Variants in CSMD1 observed in about 807,000 individuals in gnomAD.
CSMD1 encodes CUB and sushi domain-containing protein 1.
Under a neutral mutation model 417.5 loss-of-function variants are expected in CSMD1, and 213 were observed. The observed-to-expected ratio is 0.51, with a 90% CI of 0.46 to 0.57. The LOEUF (loss-of-function observed/expected upper bound fraction) is 0.57, where lower values mean the gene tolerates loss of function less well. Ranked by LOEUF, CSMD1 falls within the 20% of genes least tolerant of loss-of-function variation. CSMD1 has a pLI of 0.00. For missense variants in CSMD1, 6,923 were observed against 4,529.7 expected (o/e 1.53, Z -15.17); for synonymous variants, 2,862 against 1,736.8 (o/e 1.65, Z -16.11).
intron 10 of CSMD1, among the ~76,000 whole-genome samples, chr8:3,500,758 C>T (rs1341735032): frequency 6.6e-6 from 1 of 152,038 alleles, no homozygotes; most frequent in Non-Finnish European, 1.5e-5. Flanking sequence ...ACATGGATAA[C>T]CATGGCAAGA....
intron 3 of CSMD1, among the ~76,000 whole-genome samples, chr8:4,338,661 G>A (rs187951952): frequency 1.1e-3 from 174 of 152,138 alleles, no homozygotes; most frequent in Non-Finnish European, 2.1e-3. Context: ...GTGCTCACGG[G>A]TGAGTCAGAA....
intron 49 of CSMD1, among the ~76,000 whole-genome samples, chr8:3,066,016 A>G (rs2128996113): frequency 6.6e-6 from 1 of 152,276 alleles, no homozygotes; most frequent in African/African-American, 2.4e-5. Context: ...TAAATGAAAA[A>G]TTCATAATAA....
chr8:3,778,942 G>C (rs1054514066), intron 5 of CSMD1, among the ~76,000 whole-genome samples: 1 of 152,138 alleles, frequency 6.6e-6, no homozygotes, highest in African/African-American at 2.4e-5. Flanking sequence ...TGCTGTTTCT[G>C]GGAGGACAAT....
intron 17 of CSMD1, among the ~76,000 whole-genome samples, chr8:3,393,788 A>T (rs569379356): frequency 2.6e-5 from 4 of 151,416 alleles, no homozygotes; most frequent in African/African-American, 9.7e-5. Flanking sequence ...GAATTGAACA[A>T]TGAGAACACA....
At chr8:4,372,763 A>G (rs1293535779) in intron 3 of CSMD1, among the ~76,000 whole-genome samples, 2 of 151,990 alleles carry the variant, frequency 1.3e-5, no homozygotes, top group South Asian at 4.1e-4. Context: ...AAAAAGTAGC[A>G]TTGGATAACC....
At chr8:3,274,829 C>T (rs565566562) in intron 26 of CSMD1, among the ~76,000 whole-genome samples, 6 of 152,050 alleles carry the variant, frequency 3.9e-5, no homozygotes, top group Admixed American at 1.3e-4. Context: ...TGTCTGTACC[C>T]GTGAGATGTG....
Position 3,648,225 on chromosome 8 carries a change from G to A in CSMD1, c.1010-31428C>T, listed in dbSNP as rs1263802189. ...TCTTCTCACCATATACTAGAGACAT[G>A]ATTTTACTTTTACTTTGCTATTCCC... On this transcript the variant is annotated intron_variant, in intron 7 of 69. Coordinates refer to ENST00000635120, the MANE Select transcript of CSMD1 (RefSeq NM_033225.6). 3.3e-5 allele frequency among the ~76,000 whole-genome samples: 5 copies of A among 152,286 alleles called. No homozygotes were observed. The South Asian group carries it at 1.0e-3, about 32-fold the overall frequency.
chr8:4,674,253 A>G (rs540491820), intron 1 of CSMD1, among the ~76,000 whole-genome samples: 13 of 152,326 alleles, frequency 8.5e-5, no homozygotes, highest in Non-Finnish European at 1.8e-4. Context: ...TGAGTTGAAA[A>G]AAGCGGGAGG....
chr8:3,947,293 C>T (rs1811295146), intron 5 of CSMD1, among the ~76,000 whole-genome samples: 1 of 152,030 alleles, frequency 6.6e-6, no homozygotes, highest in Non-Finnish European at 1.5e-5. Flanking sequence ...ATTATGTATG[C>T]AGCTTTTAAT....
At chr8:4,972,065 G>A (rs1323520172) in intron 1 of CSMD1, among the ~76,000 whole-genome samples, 1 of 152,084 alleles carries the variant, frequency 6.6e-6, no homozygotes, top group Non-Finnish European at 1.5e-5. Context: ...GAAGAGGTAA[G>A]CGATACCATA....
At chr8:3,543,932 G>C (rs1460288399) in intron 10 of CSMD1, among the ~76,000 whole-genome samples, 2 of 152,214 alleles carry the variant, frequency 1.3e-5, no homozygotes, top group Non-Finnish European at 1.5e-5. Context: ...TTTACAGGAA[G>C]AGACAGGAAG....
intron 26 of CSMD1, among the ~76,000 whole-genome samples, chr8:3,257,542 A>C (rs1463271874): frequency 2.0e-5 from 3 of 152,200 alleles, no homozygotes; most frequent in Non-Finnish European, 2.9e-5. Flanking sequence ...TGGCACTGAG[A>C]GTGCTGGGGG....
intron 1 of CSMD1, among the ~76,000 whole-genome samples, chr8:4,693,007 G>C (rs1377840613): frequency 6.6e-6 from 1 of 152,146 alleles, no homozygotes; most frequent in Non-Finnish European, 1.5e-5. Flanking sequence ...CTCATCATGG[G>C]AAAACGTCAA....
chr8:3,603,041 C>T (rs1047041345), intron 8 of CSMD1, among the ~76,000 whole-genome samples: 6 of 152,126 alleles, frequency 3.9e-5, no homozygotes, highest in African/African-American at 1.4e-4. Context: ...TGGTGAATTG[C>T]TTATCAGAAG....
chr8:3,526,132 T>C (rs1379946827), intron 10 of CSMD1, among the ~76,000 whole-genome samples: 3 of 152,204 alleles, frequency 2.0e-5, no homozygotes, highest in Non-Finnish European at 4.4e-5. Flanking sequence ...TGTTTAGAAA[T>C]TGAAAGTGGC....
At chr8:3,176,740 G>A (rs1051365605) in intron 37 of CSMD1, among the ~76,000 whole-genome samples, 1 of 151,812 alleles carries the variant, frequency 6.6e-6, no homozygotes, top group Non-Finnish European at 1.5e-5. Flanking sequence ...AGGTACCCTG[G>A]TGACCTCATT....
intron 10 of CSMD1, among the ~76,000 whole-genome samples, chr8:3,536,485 T>C (rs1798204821): frequency 6.6e-6 from 1 of 152,300 alleles, no homozygotes; most frequent in Middle Eastern, 3.4e-3. Flanking sequence ...CTTTGATTAA[T>C]GGGGATTATG....
intron 2 of CSMD1, among the ~76,000 whole-genome samples, chr8:4,421,444 A>C (rs1438195): frequency 0.14 from 22,006 of 152,006 alleles, 1,713 homozygotes; most frequent in South Asian, 0.28. Context: ...CATAAAACAA[A>C]CCTCAAACTA....
intron 23 of CSMD1, among the ~76,000 whole-genome samples, chr8:3,312,217 A>G (rs1016781855): frequency 2.0e-5 from 3 of 152,226 alleles, no homozygotes; most frequent in Non-Finnish European, 4.4e-5. Context: ...TTCAATATCA[A>G]AAGTTTTTCT....
Sources: gnomAD v4.1 joint callset for allele counts (sites outside exome capture counted in the v4.1 genomes callset) on GRCh38, gnomAD v4.1.1 for gene constraint, MANE v1.5 for transcripts, NCBI Gene and HGNC (gene_info 2026-07-23, HGNC 2026-07-21) for gene names.